The following XPA variants were observed in gnomAD, a reference collection of about 807,000 sequenced individuals.
The protein encoded by XPA is XPA, DNA damage recognition and repair factor, also known as DNA repair protein complementing XP-A cells.
Under a neutral mutation model 35.7 loss-of-function variants are expected in XPA, and 27 were observed. The ratio of observed to expected loss-of-function variants is 0.76; its 90% CI spans 0.56 to 1.04. XPA has a LOEUF of 1.04. XPA is among the 50% of genes least tolerant of loss of function. XPA has a pLI of 0.00. For synonymous variants in XPA, 133 were observed against 118.4 expected (o/e 1.12, Z -0.80); for missense variants, 354 against 342.7 (o/e 1.03, Z -0.26).
chr9:97,697,136 C>T lies in XPA; in HGVS notation c.157G>A (p.Ala53Thr). 1 of 1,553,612 alleles carries T rather than the reference C, an allele frequency of 6.4e-7. No individual in the cohort carries two copies. Among genetic ancestry groups the T allele is most frequent in the Non-Finnish European group, 8.7e-7 (1 of 1,152,308 alleles). Residue 53 changes from alanine (A) to threonine (T), a missense_variant, in exon 1 of 6, where the codon GCT (alanine) becomes ACT (threonine). Ala to Thr is a moderately conservative substitution (Grantham distance 58). Coordinates refer to ENST00000375128, the MANE Select transcript of XPA (RefSeq NM_000380.4). ...CGGCCCAAACCTCCAGTAGCCGCAG[C>T]CGCCGTCGCCGAGTAGGGCCGGGCA... ...LAARPYSATA[A>T]AATGGMANVK...
At chr9:97,678,265 G>T (rs1336525170) in intron 5 of XPA, among the ~76,000 whole-genome samples, 1 of 152,140 alleles carries the variant, frequency 6.6e-6, no homozygotes, top group Non-Finnish European at 1.5e-5. Flanking sequence ...GCTGGACATG[G>T]TGGCATATGC....
chr9:97,668,769 A>G, the XPA span: 13 of 1,495,362 alleles, frequency 8.7e-6, no homozygotes, highest in Non-Finnish European at 1.2e-5. Context: ...CAGACACAGT[A>G]AAATGCTTCC....
chr9:97,663,256 A>G, the XPA span, among the ~76,000 whole-genome samples: 2 of 152,210 alleles, frequency 1.3e-5, no homozygotes, highest in South Asian at 2.1e-4. Flanking sequence ...GTTTTGAACT[A>G]TAATATCTCA....
rs1372369089 is a variant in XPA, at chr9:97,674,973, T to C, written c.*466A>G. 16 of 523,244 alleles carry C rather than the reference T, an allele frequency of 3.1e-5. No homozygotes were observed. The highest frequency in any genetic ancestry group is 5.6e-5 in the African/African-American group (3 of 53,134). The allele number at this position is 523,244 out of a possible 1,614,324, so 32.4% of individuals were successfully genotyped here. On this transcript the variant is annotated 3_prime_UTR_variant, in exon 6 of 6. Coordinates refer to ENST00000375128, the MANE Select transcript of XPA (RefSeq NM_000380.4). ...GCTTTTTCCAGCAGTAGTTCCCCACTGTTTCCACCATCGTGGAGACAGAAA... is the reference window on the plus strand; with the variant it reads ...GCTTTTTCCAGCAGTAGTTCCCCACCGTTTCCACCATCGTGGAGACAGAAA...
intron 1 of XPA, among the ~76,000 whole-genome samples, chr9:97,694,329 A>G (rs1303717699): frequency 2.0e-5 from 3 of 152,382 alleles, no homozygotes; most frequent in African/African-American, 7.2e-5. Flanking sequence ...CTAAAGCCAC[A>G]GAAAGTGAAA....
At chr9:97,679,133 C>G (rs1828460351) in intron 5 of XPA, among the ~76,000 whole-genome samples, 1 of 152,062 alleles carries the variant, frequency 6.6e-6, no homozygotes, top group Non-Finnish European at 1.5e-5. Context: ...TAAATTTACT[C>G]AAGTTAACAA....
intron 3 of XPA, among the ~76,000 whole-genome samples, chr9:97,688,990 GAGAA>G (rs1432493451): frequency 6.6e-6 from 1 of 152,140 alleles, no homozygotes; most frequent in Non-Finnish European, 1.5e-5. Flanking sequence ...CACGTGAAGT[GAGAA>G]AGGTTATTCT....
At chr9:97,667,470 C>T in the XPA span, among the ~76,000 whole-genome samples, 7 of 152,254 alleles carry the variant, frequency 4.6e-5, no homozygotes, top group South Asian at 1.2e-3. Flanking sequence ...GTTTGAGTAC[C>T]AGTCTCCATG....
chr9:97,681,959 ACC>A (rs1564041117), intron 5 of XPA, among the ~76,000 whole-genome samples: 1 of 152,176 alleles, frequency 6.6e-6, no homozygotes, highest in Non-Finnish European at 1.5e-5. Flanking sequence ...GAGTTTTGAT[ACC>A]AGTTAAAAAA....
At chr9:97,654,949 A>G in the XPA span, 1 of 1,583,032 alleles carries the variant, frequency 6.3e-7, no homozygotes, top group Admixed American at 1.8e-5. Flanking sequence ...AGACAGGTAC[A>G]GTAATCGCTT....
chr9:97,677,977 T>A (rs1457846896), intron 5 of XPA, among the ~76,000 whole-genome samples: 2 of 152,148 alleles, frequency 1.3e-5, no homozygotes, highest in Non-Finnish European at 2.9e-5. Flanking sequence ...TAAGTAAAAC[T>A]AAAATGAACC....
intron 5 of XPA, among the ~76,000 whole-genome samples, chr9:97,682,754 G>A (rs956401137): frequency 6.6e-6 from 1 of 152,070 alleles, no homozygotes; most frequent in African/African-American, 2.4e-5. Context: ...TAGCTTATCT[G>A]GTGATTAACA....
chr9:97,678,236 A>C (rs949129586), intron 5 of XPA, among the ~76,000 whole-genome samples: 1 of 152,054 alleles, frequency 6.6e-6, no homozygotes, highest in African/African-American at 2.4e-5. Context: ...CCCCATCTCT[A>C]CTGAAAACAC....
the XPA span, chr9:97,669,850 C>T: frequency 9.8e-6 from 7 of 713,782 alleles, no homozygotes; most frequent in Non-Finnish European, 1.8e-5. Flanking sequence ...GCTACCATTG[C>T]TCATCAGAAT....
chr9:97,682,027 A>G (rs923262243), intron 5 of XPA, among the ~76,000 whole-genome samples: 2 of 150,878 alleles, frequency 1.3e-5, no homozygotes, highest in African/African-American at 4.9e-5. Flanking sequence ...TGAATTCACT[A>G]ACAAGAAAAC....
At chr9:97,667,193 G>A in the XPA span, among the ~76,000 whole-genome samples, 17,946 of 152,084 alleles carry the variant, frequency 0.12, 3,010 homozygotes, top group African/African-American at 0.37. Context: ...TTGTATTTCT[G>A]TAGGAGTCTC....
At chr9:97,695,590 G>A (rs1829018499) in intron 1 of XPA, among the ~76,000 whole-genome samples, 2 of 152,212 alleles carry the variant, frequency 1.3e-5, no homozygotes, top group South Asian at 2.1e-4. Context: ...CCTAAACAAT[G>A]CTAACTCATG....
In XPA at chr9:97,691,288, C is replaced by T. The variant is rs148638884; in HGVS notation, c.284-1649G>A. 1.3e-3 allele frequency among the ~76,000 whole-genome samples: 200 copies of T among 152,306 alleles called. 2 individuals are homozygous for T. The East Asian group carries it at 0.037, about 28-fold the overall frequency. The stretch of plus-strand genomic sequence containing the variant: ...GAGAGGCTGTATTCAGCCATGTATC[C>T]TCAACTCCCAGCACAGAAAAACCAC... On this transcript the variant is annotated intron_variant, in intron 2 of 5. Coordinates refer to ENST00000375128, the MANE Select transcript of XPA (RefSeq NM_000380.4).
chr9:97,656,165 A>G, the XPA span: 1 of 1,163,568 alleles, frequency 8.6e-7, no homozygotes, highest in Non-Finnish European at 1.3e-6. Context: ...GTGTGTTCAG[A>G]ATATTGGATT....
Sources: allele counts gnomAD v4.1 joint callset (sites outside exome capture counted in the v4.1 genomes callset), GRCh38; gene constraint gnomAD v4.1.1; transcripts MANE v1.5; gene names NCBI Gene and HGNC (gene_info 2026-07-23, HGNC 2026-07-21).